Variants in PCNX1 observed in about 807,000 individuals in gnomAD.
The protein encoded by PCNX1 is pecanex 1.
A neutral mutation model predicts 242.2 loss-of-function variants in PCNX1; 78 were observed. That is an observed-to-expected ratio of 0.32 (90% CI 0.27 to 0.39). The LOEUF (loss-of-function observed/expected upper bound fraction) is 0.39. Ranked by LOEUF, PCNX1 falls within the 10% of genes least tolerant of loss-of-function variation. The pLI, the probability that PCNX1 is intolerant of heterozygous loss-of-function variation, is 1.00. For synonymous variants in PCNX1, 1,024 were observed against 1,032.9 expected (o/e 0.99, Z 0.17); for missense variants, 2,581 against 2,856.5 (o/e 0.90, Z 2.20).
At chr14:71,064,920 A>G (rs553606905) in intron 26 of PCNX1, among the ~76,000 whole-genome samples, 2 of 152,150 alleles carry the variant, frequency 1.3e-5, no homozygotes, top group African/African-American at 4.8e-5. Flanking sequence ...TTCCAGTTCC[A>G]TCCATGTCCC....
At chr14:71,007,947 T>C (rs34998980) in intron 8 of PCNX1, among the ~76,000 whole-genome samples, 7 of 152,006 alleles carry the variant, frequency 4.6e-5, no homozygotes, top group Non-Finnish European at 1.0e-4. Context: ...GAATGACTTA[T>C]GACTAAAAGA....
At chr14:71,046,532 C>T (rs965350072) in intron 20 of PCNX1, among the ~76,000 whole-genome samples, 1 of 151,878 alleles carries the variant, frequency 6.6e-6, no homozygotes, top group Non-Finnish European at 1.5e-5. Flanking sequence ...TTTAGTTTAT[C>T]CTAGACACTT....
At chr14:71,078,149 A>G (rs1339418508) in intron 28 of PCNX1, among the ~76,000 whole-genome samples, 5 of 152,166 alleles carry the variant, frequency 3.3e-5, no homozygotes, top group Admixed American at 6.5e-5. Flanking sequence ...TACTCTTACA[A>G]TCTGTTTAGA....
At chr14:70,982,379 G>T (rs925480456) in intron 6 of PCNX1, among the ~76,000 whole-genome samples, 3 of 152,214 alleles carry the variant, frequency 2.0e-5, no homozygotes, top group Admixed American at 2.0e-4. Flanking sequence ...CCCTAAAAGA[G>T]AAGCTGTAAT....
Position 71,057,604 on chromosome 14 carries a change from G to A in PCNX1, c.4732G>A (p.Gly1578Arg). The A allele has an allele frequency of 6.2e-7, 1 of 1,613,518 alleles. No homozygotes were observed. Reference protein sequence around the residue: ...LCGDLLLGRWGNYSTGDCFIL... With the variant: ...LCGDLLLGRWRNYSTGDCFIL... The stretch of plus-strand genomic sequence containing the variant: ...TGGTGATTTGCTACTAGGACGGTGG[G>A]GAAACTACAGTACAGGGGACTGTTT... The change falls in exon 26 of 36, where the codon GGA (glycine) becomes AGA (arginine). Residue 1578 changes from glycine to arginine, a missense_variant. Coordinates refer to ENST00000304743, the MANE Select transcript of PCNX1 (RefSeq NM_014982.3).
intron 2 of PCNX1, among the ~76,000 whole-genome samples, chr14:70,959,059 TACTCTGTTTATACCA>T: frequency 6.6e-6 from 1 of 150,958 alleles, no homozygotes; most frequent in Admixed American, 6.6e-5. Flanking sequence ...ATTGACTACT[TACTCTGTTTATACCA>T]GGTAGAATTA....
At chr14:71,036,608 G>C (rs1276509461) in intron 19 of PCNX1, among the ~76,000 whole-genome samples, 1 of 152,130 alleles carries the variant, frequency 6.6e-6, no homozygotes, top group African/African-American at 2.4e-5. Flanking sequence ...GTGATAGTAG[G>C]CTATACTATC....
At chr14:71,016,843 AAAAG>A (rs1340429429) in intron 11 of PCNX1, among the ~76,000 whole-genome samples, 1 of 152,226 alleles carries the variant, frequency 6.6e-6, no homozygotes, top group Non-Finnish European at 1.5e-5. Flanking sequence ...CCAAGTAAAC[AAAAG>A]AAAGGTAGTA....
At chr14:71,022,829 A>T (rs2060140698) in intron 12 of PCNX1, among the ~76,000 whole-genome samples, 1 of 152,144 alleles carries the variant, frequency 6.6e-6, no homozygotes, top group African/African-American at 2.4e-5. Flanking sequence ...TTCCTGAATG[A>T]ATGATGTCCT....
intron 17 of PCNX1, 66 bp downstream of exon 17, chr14:71,033,604 C>G: frequency 3.6e-6 from 3 of 837,066 alleles, no homozygotes. Flanking sequence ...TTTCAAATAC[C>G]TTTGAAGATC....
intron 7 of PCNX1, among the ~76,000 whole-genome samples, chr14:70,990,295 C>T (rs192684522): frequency 1.3e-5 from 2 of 152,122 alleles, no homozygotes; most frequent in East Asian, 3.9e-4. Flanking sequence ...GGCGCTGTGG[C>T]TCATGCCTGT....
chr14:70,994,427 A>ATATATATATGTATG (rs930212552), intron 7 of PCNX1, among the ~76,000 whole-genome samples: 46 of 88,716 alleles, frequency 5.2e-4, no homozygotes, highest in Admixed American at 1.9e-3. Flanking sequence ...ATATATATAT[A>ATATATATATGTATG]TATGTATGTA....
At position 70,923,995 on chromosome 14, in the gene PCNX1, C is replaced by T. The variant is rs1342749259; in HGVS notation, c.153+15992C>T. ...CCTGTAATCCCAGCACTTTGGGAGG[C>T]CGAGGCAGGCAGATTGCTTGAGTCC... On this transcript the variant is annotated intron_variant, in intron 1 of 35. Transcript: ENST00000304743. Among the ~76,000 whole-genome samples, 3 of 152,202 alleles carry T rather than the reference C, an allele frequency of 2.0e-5. No homozygotes were observed. The East Asian group carries it at 5.8e-4, about 29-fold the overall frequency.
intron 24 of PCNX1, among the ~76,000 whole-genome samples, chr14:71,052,327 C>T (rs2061060422): frequency 6.6e-6 from 1 of 151,944 alleles, no homozygotes; most frequent in Admixed American, 6.6e-5. Context: ...GATCCTCCTG[C>T]CTCAGCCTCC....
chr14:70,969,005 T>C lies in PCNX1; in HGVS notation c.515-16T>C, dbSNP rs772956957. The stretch of plus-strand genomic sequence containing the variant: ...TGTTAATATAAGGTCCTCACATGTT[T>C]CTCTTAACTTTGTAGGAGATACAGA... On this transcript the variant is annotated splice_polypyrimidine_tract_variant and intron_variant, in intron 4 of 35. Transcript: ENST00000304743. The C allele has an allele frequency of 2.0e-6, 3 of 1,495,674 alleles. No homozygotes were observed. Among genetic ancestry groups the C allele is most frequent in the South Asian group, 2.3e-5 (2 of 88,630 alleles). 92.7% of individuals were successfully genotyped at this position (1,495,674 alleles called of 1,614,324 possible).
At chr14:71,035,881 C>T (rs1335132997) in intron 18 of PCNX1, among the ~76,000 whole-genome samples, 184 bp from the exon 19 acceptor site, 1 of 151,906 alleles carries the variant, frequency 6.6e-6, no homozygotes, top group African/African-American at 2.4e-5. Flanking sequence ...TGCACTCCAT[C>T]TTAGAGAAAG....
Position 71,047,812 on chromosome 14 carries a change from G to A in PCNX1, c.4166G>A (p.Gly1389Asp), listed in dbSNP as rs866322779. ...GTGTTTTCTTTGTGCCACAGATTAG[G>A]TGCTTTAATGATCACTGTTGCTGGT... ...ASPKKLNTEL[G>D]ALMITVAGLK... Residue 1389 changes from glycine (G) to aspartate (D), a missense_variant, in exon 22 of 36, where the codon GGT becomes GAT. Gly to Asp is a moderately conservative substitution (Grantham distance 94). Around this residue, in one of 9 missense-constraint regions of PCNX1, gnomAD observed 432 missense variants for 443.1 expected, o/e 0.97. Coordinates refer to ENST00000304743, the MANE Select transcript of PCNX1 (RefSeq NM_014982.3). 8 of 1,606,814 alleles carry A rather than the reference G, an allele frequency of 5.0e-6. No individual in the cohort carries two copies. The Admixed American group carries it at 1.0e-4, about 20-fold the overall frequency.
At chr14:71,060,506 A>G (rs7152845) in intron 26 of PCNX1, among the ~76,000 whole-genome samples, 84,693 of 151,958 alleles carry the variant, frequency 0.56, 24,988 homozygotes, top group East Asian at 0.74. Context: ...GTGTCATTCG[A>G]TTTTATGGCC....
intron 1 of PCNX1, among the ~76,000 whole-genome samples, chr14:70,937,514 C>A (rs2057057763): frequency 6.6e-6 from 1 of 151,654 alleles, no homozygotes; most frequent in South Asian, 2.1e-4. Context: ...GGTACCAGGA[C>A]CATGCTGTTT....
Sources: allele counts gnomAD v4.1 joint callset (sites outside exome capture counted in the v4.1 genomes callset), GRCh38; gene constraint gnomAD v4.1.1; regional missense constraint gnomAD v4.1.1; transcripts MANE v1.5; gene names NCBI Gene and HGNC (gene_info 2026-07-23, HGNC 2026-07-21).